Variants in ARHGAP26 observed in about 807,000 individuals in gnomAD.
ARHGAP26 encodes Rho GTPase activating protein 26, also known as rho GTPase-activating protein 26.
Under a neutral mutation model 104.8 loss-of-function variants are expected in ARHGAP26, and 38 were observed. That is an observed-to-expected ratio of 0.36 (90% confidence interval 0.28 to 0.48). ARHGAP26 has a LOEUF of 0.48. Among genes scored for constraint, ARHGAP26 ranks in the 20% least tolerant of loss-of-function variants. ARHGAP26 has a pLI of 0.99. For synonymous variants in ARHGAP26, 341 were observed against 340.0 expected (o/e 1.00, Z -0.03); for missense variants, 704 against 947.9 (o/e 0.74, Z 3.38).
chr5:142,800,156 A>G (rs2151955481), intron 1 of ARHGAP26, among the ~76,000 whole-genome samples: 1 of 152,326 alleles, frequency 6.6e-6, no homozygotes, highest in Middle Eastern at 3.4e-3. Context: ...AATCCAGACT[A>G]AGTTTCTAAT....
rs538118436 is a variant in ARHGAP26, at chr5:142,815,776, A to G, written c.154+44861A>G. 1.9e-4 allele frequency among the ~76,000 whole-genome samples: 29 copies of G among 152,186 alleles called. No homozygotes were observed. In the South Asian group the frequency reaches 5.8e-3, roughly 30 times the overall value. ...TTTCCCCGGCTAGCCTTCCTGGTCC[A>G]TCTGTGCTACTGCTGCTCTTTTCTT... On this transcript the variant is annotated intron_variant, in intron 1 of 22. Coordinates refer to ENST00000645722, the MANE Select transcript of ARHGAP26 (RefSeq NM_001135608.3).
intron 12 of ARHGAP26, among the ~76,000 whole-genome samples, chr5:143,031,293 C>T (rs767277176): frequency 3.9e-5 from 6 of 152,196 alleles, no homozygotes; most frequent in Non-Finnish European, 7.3e-5. Context: ...AGGTGATATG[C>T]TCTGATTTTG....
At chr5:142,780,822 A>G (rs753684724) in intron 1 of ARHGAP26, among the ~76,000 whole-genome samples, 1 of 152,132 alleles carries the variant, frequency 6.6e-6, no homozygotes, top group Non-Finnish European at 1.5e-5. Context: ...CACGTTGCCT[A>G]TCATAGAAGC....
chr5:142,944,224 C>T (rs144434279), intron 11 of ARHGAP26, among the ~76,000 whole-genome samples: 88 of 152,280 alleles, frequency 5.8e-4, no homozygotes, highest in Middle Eastern at 3.4e-3. Flanking sequence ...ATAAACCCTT[C>T]TGTTGTGTAG....
chr5:143,205,071 T>C (rs367551639), intron 20 of ARHGAP26, among the ~76,000 whole-genome samples: 1 of 151,942 alleles, frequency 6.6e-6, no homozygotes. Flanking sequence ...TGGAAGAAAA[T>C]GGAGACTGCA....
intron 11 of ARHGAP26, among the ~76,000 whole-genome samples, chr5:142,969,048 C>T (rs1047359967): frequency 6.6e-6 from 1 of 152,212 alleles, no homozygotes; most frequent in African/African-American, 2.4e-5. Context: ...CCTCCTGCCT[C>T]AGCCTCCCAA....
chr5:143,140,877 C>G (rs1416146921), intron 19 of ARHGAP26, among the ~76,000 whole-genome samples: 1 of 152,152 alleles, frequency 6.6e-6, no homozygotes, highest in East Asian at 1.9e-4. Flanking sequence ...CCAGACAGGC[C>G]CAGTGAGAGG....
chr5:143,115,903 A>C (rs1264913195), intron 17 of ARHGAP26, among the ~76,000 whole-genome samples: 1 of 152,204 alleles, frequency 6.6e-6, no homozygotes, highest in Non-Finnish European at 1.5e-5. Flanking sequence ...AATTGGAGAG[A>C]ATATTTGCAC....
intron 19 of ARHGAP26, among the ~76,000 whole-genome samples, chr5:143,141,452 C>CG (rs1798528031): frequency 6.6e-6 from 1 of 152,170 alleles, no homozygotes; most frequent in Non-Finnish European, 1.5e-5. Flanking sequence ...GTGGCCCATA[C>CG]GGGATATCTG....
intron 10 of ARHGAP26, 109 bp from the exon 11 acceptor site, chr5:142,931,938 T>C: frequency 1.9e-6 from 2 of 1,040,684 alleles, no homozygotes; most frequent in South Asian, 2.6e-5. Flanking sequence ...CTTTGTGTTG[T>C]TAACCTTAGC....
chr5:142,813,747 C>A lies in ARHGAP26; in HGVS notation c.154+42832C>A, dbSNP rs116035556. ...GGCCTGCCCTAATGACCTCATTTGC[C>A]TTAATTACCTCTTTAAAGACTCTAT... On this transcript the variant is annotated intron_variant, in intron 1 of 22. Transcript: ENST00000645722. 7.0e-3 allele frequency among the ~76,000 whole-genome samples: 1,071 copies of A among 152,298 alleles called. 14 individuals are homozygous for A. The highest frequency in any genetic ancestry group is 0.024 in the African/African-American group (1,017 of 41,548).
At chr5:142,845,333 T>C (rs376659086) in intron 1 of ARHGAP26, among the ~76,000 whole-genome samples, 1 of 152,268 alleles carries the variant, frequency 6.6e-6, no homozygotes, top group East Asian at 1.9e-4. Context: ...GTATTTGTTA[T>C]CACCCTGCTT....
chr5:143,027,898 G>A (rs1471982477), intron 12 of ARHGAP26, among the ~76,000 whole-genome samples: 1 of 152,094 alleles, frequency 6.6e-6, no homozygotes, highest in Admixed American at 6.5e-5. Context: ...GCCGGGAGAG[G>A]GCCCAGAATC....
At chr5:142,840,173 G>C (rs1770481138) in intron 1 of ARHGAP26, among the ~76,000 whole-genome samples, 1 of 152,018 alleles carries the variant, frequency 6.6e-6, no homozygotes, top group Non-Finnish European at 1.5e-5. Context: ...TCAAGGACTG[G>C]GTAGTTTTTG....
intron 12 of ARHGAP26, among the ~76,000 whole-genome samples, chr5:143,023,302 C>T (rs188955774): frequency 1.1e-3 from 168 of 152,312 alleles, no homozygotes; most frequent in Middle Eastern, 6.8e-3. Flanking sequence ...ATTACCATTG[C>T]TCTGTTTCCT....
At chr5:143,041,965 G>A (rs377372510) in intron 14 of ARHGAP26, 75 bp downstream of exon 14, 180 of 1,278,680 alleles carry the variant, frequency 1.4e-4, no homozygotes, top group Middle Eastern at 3.6e-4. Flanking sequence ...AGGTCTGTGA[G>A]TAGATACAGC....
chr5:143,202,196 CTTCT>C (rs1285339206), intron 20 of ARHGAP26: 1 of 151,420 alleles, frequency 6.6e-6, no homozygotes, highest in Admixed American at 6.6e-5. Flanking sequence ...ATTTAATGCA[CTTCT>C]TTGTCTTTTT....
chr5:142,794,408 C>T (rs1050752677), intron 1 of ARHGAP26, among the ~76,000 whole-genome samples: 1 of 152,186 alleles, frequency 6.6e-6, no homozygotes, highest in East Asian at 1.9e-4. Flanking sequence ...AACGCAGTTA[C>T]TCCACACTGG....
chr5:143,210,448 A>T (rs1809275618), intron 21 of ARHGAP26, among the ~76,000 whole-genome samples: 1 of 152,140 alleles, frequency 6.6e-6, no homozygotes, highest in South Asian at 2.1e-4. Context: ...ACAGAGCCAA[A>T]CCATATCACT....
Sources: allele counts gnomAD v4.1 joint callset (sites outside exome capture counted in the v4.1 genomes callset), GRCh38; gene constraint gnomAD v4.1.1; transcripts MANE v1.5; gene names NCBI Gene and HGNC (gene_info 2026-07-23, HGNC 2026-07-21).